PLEKHA6: variants seen among roughly 807,000 people sequenced by gnomAD.
PLEKHA6 encodes pleckstrin homology domain-containing family A member 6.
PLEKHA6 carries 60 observed loss-of-function variants against 116.7 expected under a neutral mutation model. The ratio of observed to expected loss-of-function variants is 0.51; its 90% CI spans 0.42 to 0.64. The LOEUF (loss-of-function observed/expected upper bound fraction) is 0.64, where lower values mean the gene tolerates loss of function less well. Ranked by LOEUF, PLEKHA6 falls within the 30% of genes least tolerant of loss-of-function variation. The pLI is 0.00. For missense variants in PLEKHA6, 1,338 were observed against 1,422.7 expected (o/e 0.94, Z 0.96); for synonymous variants, 489 against 556.1 (o/e 0.88, Z 1.70).
intron 1 of PLEKHA6, among the ~76,000 whole-genome samples, chr1:204,324,240 GT>G (rs1343064671): frequency 6.6e-6 from 1 of 152,092 alleles, no homozygotes; most frequent in African/African-American, 2.4e-5. Context: ...GGCATCCCTG[GT>G]AAGAGTCAGG....
chr1:204,285,149 G>A (rs1572063632), intron 1 of PLEKHA6, among the ~76,000 whole-genome samples: 2 of 152,200 alleles, frequency 1.3e-5, no homozygotes, highest in Non-Finnish European at 2.9e-5. Flanking sequence ...TTCCATCATT[G>A]TAGAACATTC....
At position 204,261,238 on chromosome 1, in the gene PLEKHA6, G is replaced by A; in HGVS notation, c.524+68C>T. The A allele has an allele frequency of 6.4e-7, 1 of 1,567,476 alleles. No homozygotes were observed. The highest frequency in any genetic ancestry group is 1.7e-5 in the Admixed American group (1 of 59,930). On this transcript the variant is annotated intron_variant, in intron 7 of 22. Coordinates refer to ENST00000272203, the MANE Select transcript of PLEKHA6 (RefSeq NM_014935.5). This position sits in a 1 kb window ranked among gnomAD's most constrained non-coding sequence, Gnocchi z 4.0. ...ACACTGGGATTAGCAATGGCCCAGA[G>A]CTGGGTGTGTCTTCCATTCCCCTCT...
intron 1 of PLEKHA6, among the ~76,000 whole-genome samples, chr1:204,300,987 G>T (rs2103084630): frequency 6.6e-6 from 1 of 152,338 alleles, no homozygotes; most frequent in Non-Finnish European, 1.5e-5. Context: ...ACTGCGACCT[G>T]AACTGGCAAG....
chr1:204,259,795 GC>G lies in PLEKHA6; in HGVS notation c.525-56del, dbSNP rs1665877987. On this transcript the variant is annotated intron_variant, in intron 7 of 22. Transcript: ENST00000272203. This position sits in a 1 kb window ranked among gnomAD's most constrained non-coding sequence, Gnocchi z 4.6. ...TGACTCTAGCCCAGCATGGAGTGGG[GC>G]AGGGGGTGCCAGACTGGGAAGAAGA... 1.3e-6 allele frequency: 2 copies of G among 1,531,254 alleles called. No homozygotes were observed. The highest frequency in any genetic ancestry group is 2.7e-5 in the African/African-American group (2 of 72,876). The allele number at this position is 1,531,254 out of a possible 1,614,324, so 94.9% of individuals were successfully genotyped here. A position where few individuals can be genotyped will look rare whatever the true frequency, so the allele number is the denominator to read the frequency against.
intron 1 of PLEKHA6, among the ~76,000 whole-genome samples, chr1:204,320,867 G>T (rs1340324811): frequency 6.6e-6 from 1 of 152,182 alleles, no homozygotes; most frequent in Non-Finnish European, 1.5e-5. Context: ...ATTACATTCT[G>T]CAAAGCCTGC....
intron 1 of PLEKHA6, among the ~76,000 whole-genome samples, chr1:204,328,054 A>C (rs1037817777): frequency 3.8e-5 from 1 of 26,608 alleles, no homozygotes; most frequent in Admixed American, 5.0e-4. Flanking sequence ...TATTTTATTT[A>C]TTTATTTATT....
chr1:204,302,908 A>AAGAAAG (rs1276302170), intron 1 of PLEKHA6, among the ~76,000 whole-genome samples: 2 of 151,678 alleles, frequency 1.3e-5, no homozygotes, highest in Non-Finnish European at 2.9e-5. Flanking sequence ...GAAAAAGAAA[A>AAGAAAG]CCACTGCCTG....
At position 204,244,871 on chromosome 1, in the gene PLEKHA6, G is replaced by A; in HGVS notation, c.2165C>T (p.Ser722Phe). 1 of 1,566,024 alleles carries A rather than the reference G, an allele frequency of 6.4e-7. No individual in the cohort carries two copies. Among genetic ancestry groups the A allele is most frequent in the Non-Finnish European group, 8.7e-7 (1 of 1,154,612 alleles). The change falls in exon 15 of 23, where the codon TCC becomes TTC. Residue 722 changes from serine (S) to phenylalanine (F), a missense_variant. Transcript: ENST00000272203. ...GSQGSPTKPG[S>F]NEPKANYEQS... Reference sequence around the variant, plus strand: ...CTCCATTTCTCAACTTACCTCGTTGGAGCCAGGCTTGGTGGGGGACCCCTG... The same window carrying A: ...CTCCATTTCTCAACTTACCTCGTTGAAGCCAGGCTTGGTGGGGGACCCCTG...
chr1:204,241,518 G>A, intron 16 of PLEKHA6, 37 bp from the exon 17 acceptor site: 1 of 1,467,832 alleles, frequency 6.8e-7, no homozygotes, highest in Non-Finnish European at 9.2e-7. Flanking sequence ...GCCTCATGGA[G>A]AGCAGGAAGG....
At chr1:204,256,003 G>A (rs75659566) in intron 9 of PLEKHA6, among the ~76,000 whole-genome samples, 87 of 152,316 alleles carry the variant, frequency 5.7e-4, no homozygotes, top group African/African-American at 2.0e-3. Context: ...CTGTTTCTGA[G>A]TTTTCTGGAA....
chr1:204,319,078 T>C (rs1671964820), intron 1 of PLEKHA6, among the ~76,000 whole-genome samples: 1 of 152,186 alleles, frequency 6.6e-6, no homozygotes, highest in South Asian at 2.1e-4. Context: ...AGGTACTCGG[T>C]TCATCTCTAG....
intron 1 of PLEKHA6, among the ~76,000 whole-genome samples, chr1:204,293,028 C>G (rs547029585): frequency 7.7e-4 from 118 of 152,282 alleles, no homozygotes; most frequent in Non-Finnish European, 1.5e-3. Flanking sequence ...ACCTCTCTCC[C>G]CCAACTTGTT....
chr1:204,363,161 C>T (rs1386492575), upstream of PLEKHA6, among the ~76,000 whole-genome samples: 1 of 152,260 alleles, frequency 6.6e-6, no homozygotes, highest in African/African-American at 2.4e-5. Flanking sequence ...CAGGGCCCCT[C>T]CTCCGGGGTC....
At chr1:204,350,297 G>A (rs1673233126) in intron 1 of PLEKHA6, among the ~76,000 whole-genome samples, 2 of 152,162 alleles carry the variant, frequency 1.3e-5, no homozygotes, top group Admixed American at 1.3e-4. Context: ...CTCCAGCATG[G>A]GTGACAGAGT....
intron 9 of PLEKHA6, among the ~76,000 whole-genome samples, chr1:204,251,922 C>G (rs1359855771): frequency 6.6e-6 from 1 of 152,194 alleles, no homozygotes; most frequent in East Asian, 1.9e-4. Context: ...CCACGGTTGT[C>G]ATCTCCCTGC....
intron 8 of PLEKHA6, among the ~76,000 whole-genome samples, chr1:204,258,140 G>GCAATCT (rs1665612667): frequency 6.6e-6 from 1 of 152,180 alleles, no homozygotes; most frequent in Non-Finnish European, 1.5e-5. Context: ...AGCCTTATCA[G>GCAATCT]CCATCTCCAT....
chr1:204,281,253 C>T (rs1012065416), intron 1 of PLEKHA6, among the ~76,000 whole-genome samples: 3 of 152,032 alleles, frequency 2.0e-5, no homozygotes, highest in Admixed American at 6.6e-5. Flanking sequence ...AGGCCGGGGG[C>T]GGTGGCTCAC....
chr1:204,259,646 T>A lies in PLEKHA6; in HGVS notation c.619A>T (p.Thr207Ser), dbSNP rs1571934440. The change falls in exon 8 of 23, where the codon ACT (threonine) becomes TCT (serine). Residue 207 changes from threonine to serine, a missense_variant. By Grantham distance (58) the Thr-to-Ser change is moderately conservative. This residue lies in a region of PLEKHA6 where 1,136 missense variants were observed against 1,163.6 expected (regional missense o/e 0.98). Coordinates refer to ENST00000272203, the MANE Select transcript of PLEKHA6 (RefSeq NM_014935.5). This position sits in a 1 kb window ranked among gnomAD's most constrained non-coding sequence, Gnocchi z 4.6. The stretch of plus-strand genomic sequence containing the variant: ...CCTCGGCCATCACCCTCCCCTCGAG[T>A]CTTGGCCTCTGGCTCAGGCTTAGGG... ...SLPKPEPEAK[T>S]RGEGDGRGCE... 1 of 1,614,058 alleles carries A rather than the reference T, an allele frequency of 6.2e-7. No homozygotes were observed. The highest frequency in any genetic ancestry group is 2.2e-5 in the East Asian group (1 of 44,860).
At chr1:204,357,045 C>A in intron 1 of PLEKHA6, among the ~76,000 whole-genome samples, 1 of 152,288 alleles carries the variant, frequency 6.6e-6, no homozygotes, top group South Asian at 2.1e-4. Context: ...CACACACGGA[C>A]TATTATATAC....
Sources: gnomAD v4.1 joint callset for allele counts (sites outside exome capture counted in the v4.1 genomes callset) on GRCh38, gnomAD v4.1.1 for gene constraint, gnomAD v4.1.1 regional missense constraint, Gnocchi (gnomAD v3.1) non-coding constraint, MANE v1.5 for transcripts, NCBI Gene and HGNC (gene_info 2026-07-23, HGNC 2026-07-21) for gene names.